The following SLC17A9 variants were observed in gnomAD, a reference collection of about 807,000 sequenced individuals.
SLC17A9 encodes the protein solute carrier family 17 member 9, also known as voltage-gated purine nucleotide uniporter SLC17A9.
In SLC17A9, 49 loss-of-function variants were observed where a neutral mutation model predicts 55.0. The ratio of observed to expected loss-of-function variants is 0.89; its 90% CI spans 0.71 to 1.13. The LOEUF (loss-of-function observed/expected upper bound fraction) is 1.13. Among genes scored for constraint, SLC17A9 ranks in the 50% most tolerant of loss-of-function variants. The probability of loss-of-function intolerance (pLI) is 0.00; values close to 1 mark genes in which losing one functional copy is unlikely to be tolerated. For missense variants in SLC17A9, 526 were observed against 569.3 expected, an observed-to-expected ratio of 0.92 and a Z score of 0.77; for synonymous variants, 256 against 247.4, an observed-to-expected ratio of 1.03 and a Z score of -0.32.
At chr20:62,964,996 A>T (rs757647028) in intron 8 of SLC17A9, 136 bp from the exon 9 acceptor site, 221 of 993,322 alleles carry the variant, frequency 2.2e-4, no homozygotes, top group Middle Eastern at 1.1e-3. Flanking sequence ...TTTTGCCTGC[A>T]GCACGGGATA....
At chr20:62,963,026 C>G in intron 5 of SLC17A9, 1 of 636,698 alleles carries the variant, frequency 1.6e-6, no homozygotes, top group South Asian at 1.9e-5. Flanking sequence ...GCAGCCGAGT[C>G]TTTGGGTGGC....
At chr20:62,963,219 C>T (rs79503248) in intron 5 of SLC17A9, 54 bp from the exon 6 acceptor site, 90,367 of 1,572,268 alleles carry the variant, frequency 0.057, 2,840 homozygotes, top group African/African-American at 0.092. Flanking sequence ...CCTTTGGCAA[C>T]GGGTGGCGCC....
In SLC17A9 at chr20:62,952,774, C is replaced by T; in HGVS notation, c.-57C>T. ...TGCTGCCCGGGTGGGTCAGCCTGGG[C>T]TGGGAGGCAGCCCCGGGACACAGCT... On this transcript the variant is annotated 5_prime_UTR_variant, in exon 1 of 13. Coordinates refer to ENST00000370351, the MANE Select transcript of SLC17A9 (RefSeq NM_022082.4). The T allele has an allele frequency of 6.6e-7, 1 of 1,520,200 alleles. No homozygotes were observed. The highest frequency in any genetic ancestry group is 1.2e-5 in the South Asian group (1 of 82,768). The allele number at this position is 1,520,200 out of a possible 1,614,324, so 94.2% of individuals were successfully genotyped here.
intron 12 of SLC17A9, chr20:62,967,054 G>A (rs570713163): frequency 2.4e-4 from 140 of 572,380 alleles, no homozygotes; most frequent in Non-Finnish European, 3.7e-4. Context: ...GCTCAGCCTC[G>A]CCTGGGCCGG....
In SLC17A9 at chr20:62,968,707, G is replaced by A. The variant is rs919460696; in HGVS notation, c.*1207G>A. 2.0e-5 allele frequency: 3 copies of A among 152,304 alleles called. No individual in the cohort carries two copies. The highest frequency in any genetic ancestry group is 6.5e-5 in the Admixed American group (1 of 15,302). 9.4% of individuals were successfully genotyped at this position (152,304 alleles called of 1,614,324 possible). On this transcript the variant is annotated 3_prime_UTR_variant, in exon 13 of 13. Coordinates refer to ENST00000370351, the MANE Select transcript of SLC17A9 (RefSeq NM_022082.4). Reference sequence around the variant, plus strand: ...GTGACACGTTGGAATCAGGTCAAAGGAGAATCCCAGGAACGGACTCCTAGG... The same window carrying A: ...GTGACACGTTGGAATCAGGTCAAAGAAGAATCCCAGGAACGGACTCCTAGG...
At chr20:62,966,857 C>A (rs2065645470) in intron 12 of SLC17A9, 125 bp downstream of exon 12, 2 of 1,244,462 alleles carry the variant, frequency 1.6e-6, no homozygotes, top group South Asian at 1.4e-5. Context: ...GGGCACAGAC[C>A]CCAGAGCAGG....
At chr20:62,955,052 C>T (rs2065524601) in intron 1 of SLC17A9, among the ~76,000 whole-genome samples, 1 of 152,188 alleles carries the variant, frequency 6.6e-6, no homozygotes, top group African/African-American at 2.4e-5. Context: ...CCTCGACCTC[C>T]TGGGCTCAAG....
rs367611972 is a variant in SLC17A9 at position 62,956,891 on chromosome 20, C to T, written c.186C>T (p.Ala62=). Residue 62 remains alanine, a synonymous_variant, in exon 2 of 13, where the codon GCC becomes GCT. Coordinates refer to ENST00000370351, the MANE Select transcript of SLC17A9 (RefSeq NM_022082.4). Reference sequence around the variant, plus strand: ...ACTTCGGCTGGAACAAGAAGGAGGCCGGCATCGTGCTCAGCAGCTTCTTCT... The same window carrying T: ...ACTTCGGCTGGAACAAGAAGGAGGCTGGCATCGTGCTCAGCAGCTTCTTCT... ...SQDFGWNKKE[A]GIVLSSFFWG... is the part of the protein sequence containing the mutation. 64 of 1,613,502 alleles carry T rather than the reference C, an allele frequency of 4.0e-5. No homozygotes were observed. The highest frequency in any genetic ancestry group is 6.7e-5 in the Admixed American group (4 of 60,004).
At chr20:62,953,397 G>C (rs35953758) in intron 1 of SLC17A9, 51,224 of 1,202,102 alleles carry the variant, frequency 0.043, 1,292 homozygotes, top group Non-Finnish European at 0.05. Flanking sequence ...TGGTGGTGGG[G>C]AGAAGCAGGG....
Position 62,965,706 on chromosome 20 carries a change from C to T in SLC17A9, c.1042C>T (p.Leu348Phe). The change falls in exon 10 of 13, where the codon CTC becomes TTC. Residue 348 changes from leucine to phenylalanine, a missense_variant. Coordinates refer to ENST00000370351, the MANE Select transcript of SLC17A9 (RefSeq NM_022082.4). ...SVVFASASIG[L>F]QTFNHSGISV... The stretch of plus-strand genomic sequence containing the variant: ...GGTCTTTGCATCAGCCTCCATCGGC[C>T]TCCAGACCTTCAACCACAGGTGAGG... 6.2e-7 allele frequency: 1 copy of T among 1,613,890 alleles called. No homozygotes were observed. Among genetic ancestry groups the T allele is most frequent in the Non-Finnish European group, 8.5e-7 (1 of 1,180,016 alleles).
chr20:62,959,059 G>C (rs919004927), intron 3 of SLC17A9, among the ~76,000 whole-genome samples: 7 of 152,244 alleles, frequency 4.6e-5, no homozygotes, highest in South Asian at 2.1e-4. Context: ...CAACCACCTG[G>C]AGGGGAGGAC....
chr20:62,963,529 A>C, intron 6 of SLC17A9, 55 bp from the exon 7 acceptor site: 1 of 1,549,848 alleles, frequency 6.5e-7, no homozygotes. Context: ...TGGGTCCCAC[A>C]GGCCCGGCCA....
At position 62,962,919 on chromosome 20, in the gene SLC17A9, C is replaced by T. The variant is rs895020878; in HGVS notation, c.628+165C>T. On this transcript the variant is annotated intron_variant, in intron 5 of 12. Coordinates refer to ENST00000370351, the MANE Select transcript of SLC17A9 (RefSeq NM_022082.4). This position sits in a 1 kb window ranked among gnomAD's most constrained non-coding sequence, Gnocchi z 5.5. ...AAGCGCTCGGGTGCTGAGCTGTCAGCGGCTCCGCCACCCAATTCGATCTGG... is the reference window on the plus strand; with the variant it reads ...AAGCGCTCGGGTGCTGAGCTGTCAGTGGCTCCGCCACCCAATTCGATCTGG... 23 of 992,222 alleles carry T rather than the reference C, an allele frequency of 2.3e-5. No individual in the cohort carries two copies. Among genetic ancestry groups the T allele is most frequent in the South Asian group, 4.8e-5 (3 of 62,322 alleles). 61.5% of individuals were successfully genotyped at this position (992,222 alleles called of 1,614,324 possible).
Position 62,965,676 on chromosome 20 carries a change from T to C in SLC17A9, c.1012T>C (p.Ser338Pro), listed in dbSNP as rs1430449127. ...CLGHTSSFCE[S>P]VVFASASIGL... The stretch of plus-strand genomic sequence containing the variant: ...GGGCCACACCTCCAGCTTCTGTGAG[T>C]CTGTGGTCTTTGCATCAGCCTCCAT... The change falls in exon 10 of 13, where the codon TCT (serine) becomes CCT (proline). Residue 338 changes from serine (S) to proline (P), a missense_variant. By Grantham distance (74) the Ser-to-Pro change is moderately conservative. Transcript: ENST00000370351. 2 of 1,613,940 alleles carry C rather than the reference T, an allele frequency of 1.2e-6. No homozygotes were observed. Among genetic ancestry groups the C allele is most frequent in the Admixed American group, 1.7e-5 (1 of 60,026 alleles).
At chr20:62,957,896 C>T (rs902283265) in intron 3 of SLC17A9, among the ~76,000 whole-genome samples, 6 of 151,304 alleles carry the variant, frequency 4.0e-5, no homozygotes, top group Middle Eastern at 3.4e-3. Flanking sequence ...CGCGTGCATG[C>T]GTGCACCTGT....
Position 62,966,567 on chromosome 20 carries a change from C to G in SLC17A9, c.1104C>G (p.Ala368=). The change falls in exon 11 of 13, where the codon GCC becomes GCG. Residue 368 remains alanine, a synonymous_variant. Transcript: ENST00000370351. ...TCCAGGACTTGGCCCCGTCCTGCGC[C>G]GGCTTTCTGTTTGGTGAGGACCTTG... The part of the protein sequence containing the change: ...VNIQDLAPSC[A]GFLFGVANTA... 6.2e-7 allele frequency: 1 copy of G among 1,606,246 alleles called. No individual in the cohort carries two copies. Among genetic ancestry groups the G allele is most frequent in the Non-Finnish European group, 8.5e-7 (1 of 1,177,242 alleles).
chr20:62,952,970 G>A, intron 1 of SLC17A9, 81 bp downstream of exon 1: 2 of 1,390,602 alleles, frequency 1.4e-6, no homozygotes, highest in Non-Finnish European at 1.9e-6. Context: ...TGCCACGTGG[G>A]ACGATGCTAG....
chr20:62,952,888 A>C lies in SLC17A9; in HGVS notation c.58A>C (p.Arg20=). 2 of 318,816 alleles carry C rather than the reference A, an allele frequency of 6.3e-6. No individual in the cohort carries two copies. The highest frequency in any genetic ancestry group is 1.1e-4 in the East Asian group (1 of 8,988). The allele number at this position is 318,816 out of a possible 1,614,324, so 19.7% of individuals were successfully genotyped here. A position where few individuals can be genotyped will look rare whatever the true frequency, so the allele number is the denominator to read the frequency against. Residue 20 remains arginine, a splice_region_variant and synonymous_variant, in exon 1 of 13, where the codon AGG becomes CGG. Coordinates refer to ENST00000370351, the MANE Select transcript of SLC17A9 (RefSeq NM_022082.4). The part of the protein sequence containing the change: ...RDMAGDTQWS[R]PECQAWTGTL... ...CATGGCCGGGGACACCCAGTGGTCC[A>C]GGTGTGGCGGGGGTGAGGGGAGGGG...
chr20:62,954,649 G>A (rs983987619), intron 1 of SLC17A9, among the ~76,000 whole-genome samples: 1 of 152,198 alleles, frequency 6.6e-6, no homozygotes, highest in East Asian at 1.9e-4. Flanking sequence ...GACTGTCTGG[G>A]CCATCCTCTC....
Sources: gnomAD v4.1 joint callset for allele counts (sites outside exome capture counted in the v4.1 genomes callset) on GRCh38, gnomAD v4.1.1 for gene constraint, Gnocchi (gnomAD v3.1) non-coding constraint, MANE v1.5 for transcripts, NCBI Gene and HGNC (gene_info 2026-07-23, HGNC 2026-07-21) for gene names.